Variants in CFAP58 observed in about 807,000 individuals in gnomAD.
CFAP58 encodes the protein cilia- and flagella-associated protein 58.
In CFAP58, 88 loss-of-function variants were observed where a neutral mutation model predicts 119.5. That is an observed-to-expected ratio of 0.74 (90% CI 0.62 to 0.88). CFAP58 has a LOEUF of 0.88. CFAP58 is among the 40% of genes least tolerant of loss of function. CFAP58 has a pLI of 0.00. For missense variants in CFAP58, 990 were observed against 1,021.2 expected, an observed-to-expected ratio of 0.97 and a Z score of 0.42; for synonymous variants, 365 against 366.3, an observed-to-expected ratio of 1.00 and a Z score of 0.04.
At chr10:104,419,474 G>C (rs1294572460) in intron 15 of CFAP58, among the ~76,000 whole-genome samples, 2 of 152,152 alleles carry the variant, frequency 1.3e-5, no homozygotes, top group East Asian at 1.9e-4. Context: ...ATATTCATTG[G>C]TGTGTAAGAA....
intron 15 of CFAP58, among the ~76,000 whole-genome samples, chr10:104,431,946 A>G (rs887911717): frequency 6.6e-6 from 1 of 152,172 alleles, no homozygotes; most frequent in African/African-American, 2.4e-5. Flanking sequence ...TATCTATTCT[A>G]TAGCCATTTT....
chr10:104,341,236 ATT>A, the CFAP58 span, among the ~76,000 whole-genome samples: 1 of 151,922 alleles, frequency 6.6e-6, no homozygotes, highest in Non-Finnish European at 1.5e-5. Flanking sequence ...AAATTAAAAT[ATT>A]CTTTATATTA....
Position 104,400,678 on chromosome 10 carries a change from A to G in CFAP58, c.1816-2A>G, listed in dbSNP as rs750869954. ...TGACTATGCCCCTCCCTACCTTCCTAGGTCATCAGTGAGAGAGATATCCTG... is the reference window on the plus strand; with the variant it reads ...TGACTATGCCCCTCCCTACCTTCCTGGGTCATCAGTGAGAGAGATATCCTG... On this transcript the variant is annotated splice_acceptor_variant, in intron 12 of 17. Coordinates refer to ENST00000369704, the MANE Select transcript of CFAP58 (RefSeq NM_001008723.2). LOFTEE classifies it high-confidence loss of function. 7 of 1,612,930 alleles carry G rather than the reference A, an allele frequency of 4.3e-6. No homozygotes were observed. The highest frequency in any genetic ancestry group is 1.7e-6 in the Non-Finnish European group (2 of 1,179,462).
At chr10:104,382,499 T>A in intron 9 of CFAP58, 1 of 324,316 alleles carries the variant, frequency 3.1e-6, no homozygotes, top group Non-Finnish European at 5.8e-6. Flanking sequence ...CTCTGTCACC[T>A]CTCCCTGGGG....
chr10:104,429,560 C>T (rs996798556), intron 15 of CFAP58, among the ~76,000 whole-genome samples: 6 of 152,190 alleles, frequency 3.9e-5, no homozygotes, highest in African/African-American at 1.2e-4. Flanking sequence ...TAGTAAGCGT[C>T]ACTTCTGAAA....
chr10:104,356,480 A>G (rs2014544413), intron 1 of CFAP58, among the ~76,000 whole-genome samples: 2 of 152,228 alleles, frequency 1.3e-5, no homozygotes, highest in African/African-American at 4.8e-5. Flanking sequence ...GTAGAATATT[A>G]AAACATAATG....
chr10:104,431,813 A>G (rs1339150909), intron 15 of CFAP58, among the ~76,000 whole-genome samples: 2 of 152,150 alleles, frequency 1.3e-5, no homozygotes, highest in African/African-American at 4.8e-5. Flanking sequence ...TACATTTTAG[A>G]TTTATATACA....
At chr10:104,433,522 G>T (rs969258135) in intron 15 of CFAP58, among the ~76,000 whole-genome samples, 3 of 152,192 alleles carry the variant, frequency 2.0e-5, no homozygotes, top group Non-Finnish European at 2.9e-5. Flanking sequence ...ACCAAGGCAA[G>T]AAGCCTCAGG....
In CFAP58 at chr10:104,393,317, T is replaced by G; in HGVS notation, c.1528-12T>G. 1 of 1,605,272 alleles carries G rather than the reference T, an allele frequency of 6.2e-7. No individual in the cohort carries two copies. On this transcript the variant is annotated splice_polypyrimidine_tract_variant and intron_variant, in intron 10 of 17. Coordinates refer to ENST00000369704, the MANE Select transcript of CFAP58 (RefSeq NM_001008723.2). ...AATTCACTTTCAAACATTTCTCCTT[T>G]CATTTGGTTAGGATGAAATAACAGA...
At chr10:104,423,544 GT>G (rs33943621) in intron 15 of CFAP58, among the ~76,000 whole-genome samples, 24,517 of 146,020 alleles carry the variant, frequency 0.17, 2,069 homozygotes, top group Middle Eastern at 0.33. Flanking sequence ...TTAAACAGGA[GT>G]TTTTTTTTTT....
At chr10:104,376,256 G>T (rs7069715) in intron 7 of CFAP58, among the ~76,000 whole-genome samples, 1 of 151,896 alleles carries the variant, frequency 6.6e-6, no homozygotes, top group Non-Finnish European at 1.5e-5. Flanking sequence ...GGTTTGTAGG[G>T]CATGACTCCC....
chr10:104,429,960 G>A (rs556787309), intron 15 of CFAP58, among the ~76,000 whole-genome samples: 1 of 152,064 alleles, frequency 6.6e-6, no homozygotes. Context: ...ACTCGGGGAG[G>A]GGTCTGCACC....
At chr10:104,368,677 A>G (rs944235645) in intron 6 of CFAP58, 117 bp downstream of exon 6, 3 of 1,059,820 alleles carry the variant, frequency 2.8e-6, no homozygotes, top group Non-Finnish European at 4.2e-6. Flanking sequence ...ACATTGACAC[A>G]TCAGAGGCAG....
chr10:104,396,369 TGAGAGAGAGA>T (rs57210958), intron 11 of CFAP58, among the ~76,000 whole-genome samples: 117 of 86,842 alleles, frequency 1.3e-3, no homozygotes, highest in East Asian at 5.4e-3. Flanking sequence ...CTGTTATCCA[TGAGAGAGAGA>T]GAGAGAGAGA....
At chr10:104,411,656 G>T (rs1357715224) in intron 15 of CFAP58, among the ~76,000 whole-genome samples, 4 of 151,930 alleles carry the variant, frequency 2.6e-5, no homozygotes, top group Non-Finnish European at 5.9e-5. Flanking sequence ...TTTTTTTAAT[G>T]TTAAATTCTC....
chr10:104,435,341 G>A (rs879506468), intron 15 of CFAP58, among the ~76,000 whole-genome samples: 8 of 152,140 alleles, frequency 5.3e-5, no homozygotes, highest in African/African-American at 7.2e-5. Context: ...AATATTAGCC[G>A]GGCATGGTGG....
In CFAP58 at chr10:104,425,694, A is replaced by G. The variant is rs1369623238; in HGVS notation, c.2256+18901A>G. ...GCAGAGTCGGGGCCCAAACCCGTGC[A>G]GTCTGTGGTGAGAAGTGACTCCTGT... On this transcript the variant is annotated intron_variant, in intron 15 of 17. Coordinates refer to ENST00000369704, the MANE Select transcript of CFAP58 (RefSeq NM_001008723.2). Among the ~76,000 whole-genome samples, 3 of 152,314 alleles carry G rather than the reference A, an allele frequency of 2.0e-5. No homozygotes were observed. In the East Asian group the frequency reaches 5.8e-4, roughly 29 times the overall value.
intron 15 of CFAP58, among the ~76,000 whole-genome samples, chr10:104,423,587 A>G (rs2133070268): frequency 6.6e-6 from 1 of 152,148 alleles, no homozygotes; most frequent in Non-Finnish European, 1.5e-5. Flanking sequence ...ATGGCCAATA[A>G]CTGAAAAAGG....
chr10:104,392,228 T>G lies in CFAP58; in HGVS notation c.1366-5T>G, dbSNP rs1371087275. 6.2e-7 allele frequency: 1 copy of G among 1,610,538 alleles called. No homozygotes were observed. Among genetic ancestry groups the G allele is most frequent in the African/African-American group, 1.3e-5 (1 of 74,510 alleles). On this transcript the variant is annotated splice_region_variant and splice_polypyrimidine_tract_variant and intron_variant, in intron 9 of 17. Transcript: ENST00000369704. ...ACCACATTCATATATGTCTTTCTCC[T>G]CCAGGTCCTTATGAACATGGAAGAC...
Sources: gnomAD v4.1 joint callset for allele counts (sites outside exome capture counted in the v4.1 genomes callset) on GRCh38, gnomAD v4.1.1 for gene constraint, MANE v1.5 for transcripts, NCBI Gene and HGNC (gene_info 2026-07-23, HGNC 2026-07-21) for gene names.